Variants in CLDN16 observed in about 807,000 individuals in gnomAD.
The protein encoded by CLDN16 is claudin 16.
CLDN16 carries 13 observed loss-of-function variants against 24.6 expected under a neutral mutation model. The ratio of observed to expected loss-of-function variants is 0.53; its 90% CI spans 0.34 to 0.84. The LOEUF (loss-of-function observed/expected upper bound fraction) is 0.84. CLDN16 is among the 40% of genes least tolerant of loss of function. The pLI, the probability that CLDN16 is intolerant of heterozygous loss-of-function variation, is 0.01. For missense variants in CLDN16, 298 were observed against 292.7 expected, an observed-to-expected ratio of 1.02 and a Z score of -0.13; for synonymous variants, 116 against 106.7, an observed-to-expected ratio of 1.09 and a Z score of -0.54.
chr3:190,393,236 A>G (rs1419994309), intron 1 of CLDN16, among the ~76,000 whole-genome samples: 1 of 152,224 alleles, frequency 6.6e-6, no homozygotes, highest in Non-Finnish European at 1.5e-5. Flanking sequence ...TAGTATCTAT[A>G]CAGAAACCTT....
At chr3:190,322,388 G>C, upstream of CLDN16, 1 of 642,222 alleles carries the variant, frequency 1.6e-6, no homozygotes, top group Non-Finnish European at 2.8e-6. Context: ...CGCGCCCGGG[G>C]CGGCGCTGGA....
At chr3:190,399,737 G>C (rs1308542031) in intron 1 of CLDN16, among the ~76,000 whole-genome samples, 1 of 152,028 alleles carries the variant, frequency 6.6e-6, no homozygotes, top group Non-Finnish European at 1.5e-5. Flanking sequence ...AGCCATCCTA[G>C]AGTGCTATAG....
chr3:190,388,055 C>G (rs768702333), upstream of CLDN16: 36 of 1,473,318 alleles, frequency 2.4e-5, no homozygotes, highest in African/African-American at 4.2e-5. Context: ...CTCTCTCCCC[C>G]ACCCGAAACA....
At position 190,354,238 on chromosome 3, in the gene CLDN16, A is replaced by G. The variant is rs373118766; in HGVS notation, n.122-16655A>G. ...AATATTAACACTCAGAGGTTTCAGG[A>G]ATAAGGATGCAAATATCTTTTAGGG... On this transcript the variant is annotated intron_variant and non_coding_transcript_variant, in intron 1 of 4. Transcript: ENST00000468220. Among the ~76,000 whole-genome samples, 9 of 151,974 alleles carry G rather than the reference A, an allele frequency of 5.9e-5. No individual in the cohort carries two copies. In the East Asian group the frequency reaches 1.4e-3, roughly 23 times the overall value.
intron 3 of CLDN16, 71 bp downstream of exon 3, chr3:190,404,997 T>C: frequency 6.7e-7 from 1 of 1,486,100 alleles, no homozygotes; most frequent in Non-Finnish European, 9.4e-7. Flanking sequence ...AGGAGAGAGT[T>C]GTGCTGAAGC....
intron 1 of CLDN16, among the ~76,000 whole-genome samples, chr3:190,326,310 G>A (rs1385934465): frequency 2.0e-5 from 3 of 152,158 alleles, no homozygotes; most frequent in Non-Finnish European, 4.4e-5. Flanking sequence ...TGTTCAGGAG[G>A]ACTCTTTCAT....
intron 1 of CLDN16, among the ~76,000 whole-genome samples, chr3:190,329,522 C>T (rs1717138565): frequency 6.6e-6 from 1 of 152,040 alleles, no homozygotes; most frequent in Non-Finnish European, 1.5e-5. Context: ...TGGCTCTTTC[C>T]TGAGGGATTT....
At chr3:190,301,996 T>C in the CLDN16 span, among the ~76,000 whole-genome samples, 1 of 152,202 alleles carries the variant, frequency 6.6e-6, no homozygotes, top group African/African-American at 2.4e-5. Flanking sequence ...CCTATATATT[T>C]TAAATCTCTT....
rs1329361807 is a variant in CLDN16, at chr3:190,334,368, A to G, written n.121+11707A>G. Among the ~76,000 whole-genome samples, 3 of 152,236 alleles carry G rather than the reference A, an allele frequency of 2.0e-5. No individual in the cohort carries two copies. The East Asian group carries it at 5.8e-4, about 29-fold the overall frequency. On this transcript the variant is annotated intron_variant and non_coding_transcript_variant, in intron 1 of 4. Coordinates refer to the CLDN16 transcript ENST00000468220. Reference sequence around the variant, plus strand: ...TATATGCTATATCAGGTAGGGAGCCATGGAATATGAAGCTGCAAAATGGAA... The same window carrying G: ...TATATGCTATATCAGGTAGGGAGCCGTGGAATATGAAGCTGCAAAATGGAA...
At chr3:190,332,592 C>A (rs1446691894) in intron 1 of CLDN16, among the ~76,000 whole-genome samples, 1 of 152,170 alleles carries the variant, frequency 6.6e-6, no homozygotes, top group East Asian at 1.9e-4. Context: ...TTAAAATTAT[C>A]TCTAAGGTCT....
chr3:190,355,511 AC>A (rs1298155589), intron 1 of CLDN16, among the ~76,000 whole-genome samples: 3 of 151,876 alleles, frequency 2.0e-5, no homozygotes, highest in Non-Finnish European at 4.4e-5. Flanking sequence ...TTGTAGAATG[AC>A]CCACCTTTTC....
At chr3:190,402,200 T>C (rs1718979654) in intron 1 of CLDN16, 137 bp from the exon 2 acceptor site, 2 of 736,050 alleles carry the variant, frequency 2.7e-6, no homozygotes, top group South Asian at 1.4e-5. Flanking sequence ...GCATTGTTTG[T>C]TGTAAATGAA....
At chr3:190,293,777 C>G in the CLDN16 span, among the ~76,000 whole-genome samples, 1 of 152,128 alleles carries the variant, frequency 6.6e-6, no homozygotes, top group African/African-American at 2.4e-5. Flanking sequence ...GCTAAAGAAA[C>G]AGAGAAACAG....
upstream of CLDN16, chr3:190,387,914 G>T (rs1718545875): frequency 3.3e-6 from 2 of 597,612 alleles, no homozygotes; most frequent in Non-Finnish European, 6.0e-6. Flanking sequence ...CTCCCTAGAG[G>T]GCCTAAGAAA....
upstream of CLDN16, chr3:190,321,901 T>G: frequency 1.0e-6 from 1 of 993,100 alleles, no homozygotes. Context: ...AACCATGGAA[T>G]CACACAACAG....
Position 190,408,745 on chromosome 3 carries a change from T to G in CLDN16, c.574+240T>G, listed in dbSNP as rs893445262. Among the ~76,000 whole-genome samples the G allele has an allele frequency of 4.0e-5, 6 of 150,326 alleles. No homozygotes were observed. The East Asian group carries it at 9.7e-4, about 24-fold the overall frequency. On this transcript the variant is annotated intron_variant, in intron 4 of 4. Coordinates refer to ENST00000264734, the MANE Select transcript of CLDN16 (RefSeq NM_006580.4). ...CAAGCATGTCCAATATTCAAATGTA[T>G]AATAGTTATCTTGATGTATTACAAT...
chr3:190,387,396 T>C (rs1315214320), upstream of CLDN16, among the ~76,000 whole-genome samples: 1 of 152,068 alleles, frequency 6.6e-6, no homozygotes, highest in Non-Finnish European at 1.5e-5. Flanking sequence ...TTTTCAAACA[T>C]TGGTCCATGA....
At chr3:190,296,802 G>A in the CLDN16 span, among the ~76,000 whole-genome samples, 2 of 151,790 alleles carry the variant, frequency 1.3e-5, no homozygotes, top group Non-Finnish European at 2.9e-5. Context: ...CGCCCGTCTT[G>A]GCCTCCCAAA....
chr3:190,349,229 G>C (rs1717621251), intron 1 of CLDN16, among the ~76,000 whole-genome samples: 1 of 152,132 alleles, frequency 6.6e-6, no homozygotes, highest in East Asian at 1.9e-4. Flanking sequence ...TCATGGGGAT[G>C]AATTTCCCCT....
Sources: allele counts gnomAD v4.1 joint callset (sites outside exome capture counted in the v4.1 genomes callset), GRCh38; gene constraint gnomAD v4.1.1; transcripts MANE v1.5; gene names NCBI Gene and HGNC (gene_info 2026-07-23, HGNC 2026-07-21).